The following CPNE7 variants were observed in gnomAD, a reference collection of about 807,000 sequenced individuals.
CPNE7 encodes the protein copine 7, also known as copine-7.
A neutral mutation model predicts 66.5 loss-of-function variants in CPNE7; 78 were observed. That is an observed-to-expected ratio of 1.17 (90% confidence interval 0.98 to 1.42). The LOEUF (loss-of-function observed/expected upper bound fraction) is 1.42. Ranked by LOEUF, CPNE7 falls within the 40% of genes most tolerant of loss-of-function variation. The pLI is 0.00. For synonymous variants in CPNE7, 468 were observed against 336.7 expected, an observed-to-expected ratio of 1.39 and a Z score of -4.27; for missense variants, 1,012 against 776.6, an observed-to-expected ratio of 1.30 and a Z score of -3.60.
intron 9 of CPNE7, chr16:89,587,460 C>T (rs113842381): frequency 9.3e-6 from 4 of 428,152 alleles, no homozygotes; most frequent in East Asian, 7.3e-5. Flanking sequence ...TTTGCGCAGG[C>T]GAGGAAACGG....
intron 1 of CPNE7, among the ~76,000 whole-genome samples, chr16:89,577,173 GC>G (rs957793175): frequency 1.3e-5 from 2 of 152,096 alleles, no homozygotes; most frequent in South Asian, 2.1e-4. Flanking sequence ...AGGAGGGAGG[GC>G]CCCCCTGTAC....
intron 10 of CPNE7, among the ~76,000 whole-genome samples, 178 bp from the exon 11 acceptor site, chr16:89,589,719 G>A (rs1021777786): frequency 3.0e-4 from 46 of 152,284 alleles, no homozygotes; most frequent in East Asian, 2.3e-3. Context: ...CTTGCACACA[G>A]GCCTGTGCCT....
At chr16:89,582,553 T>C (rs1023703918) in intron 2 of CPNE7, among the ~76,000 whole-genome samples, 5 of 152,192 alleles carry the variant, frequency 3.3e-5, no homozygotes, top group East Asian at 1.9e-4. Context: ...TCAGGGAATC[T>C]TGGGGGGCCT....
chr16:89,594,713 G>A (rs111393065), intron 13 of CPNE7, among the ~76,000 whole-genome samples: 27 of 135,970 alleles, frequency 2.0e-4, no homozygotes, highest in Admixed American at 1.6e-3. Context: ...GTGCAATGGC[G>A]CGATCTCAGC....
At chr16:89,593,151 G>A (rs865917868) in intron 13 of CPNE7, among the ~76,000 whole-genome samples, 6 of 151,852 alleles carry the variant, frequency 4.0e-5, no homozygotes, top group Admixed American at 1.3e-4. Context: ...TCAGAGGCAC[G>A]AGGTACATTC....
rs201422940 is a variant in CPNE7 at position 89,577,499 on chromosome 16, A to C, written c.175-40A>C. On this transcript the variant is annotated intron_variant, in intron 1 of 14. Coordinates refer to ENST00000319518, the MANE Select transcript of CPNE7 (RefSeq NM_153636.3). ...GATGGAGGTCTGGAGCCCGGGGTGG[A>C]AGCCTCTGGAGTGGGGTCGGCTCAC... 3.2e-4 allele frequency: 500 copies of C among 1,544,600 alleles called. 2 individuals carry two copies. The Middle Eastern group carries it at 3.6e-3, about 11-fold the overall frequency.
intron 2 of CPNE7, 76 bp downstream of exon 2, chr16:89,577,797 G>C: frequency 1.4e-6 from 2 of 1,464,930 alleles, no homozygotes; most frequent in Non-Finnish European, 1.8e-6. Context: ...TGATGTACCA[G>C]CACCGCAGGG....
At chr16:89,588,840 T>A in intron 10 of CPNE7, 32 bp downstream of exon 10, 1 of 1,607,510 alleles carries the variant, frequency 6.2e-7, no homozygotes, top group Non-Finnish European at 8.5e-7. Flanking sequence ...CACCCCCTGG[T>A]CTCCAGGTCA....
intron 2 of CPNE7, chr16:89,579,087 G>A (rs1555621977): frequency 1.8e-5 from 16 of 898,614 alleles, no homozygotes; most frequent in South Asian, 1.1e-4. Flanking sequence ...TCAGGAGTTC[G>A]AGACCAGCCT....
chr16:89,590,775 TGGGGGCCGGGG>T (rs2059154250), intron 11 of CPNE7, among the ~76,000 whole-genome samples: 1 of 50,152 alleles, frequency 2.0e-5, no homozygotes, highest in Non-Finnish European at 3.8e-5. Flanking sequence ...CTGGGGGACA[TGGGGGCCGGGG>T]ACGGGGGGAG....
chr16:89,579,593 G>C (rs1306687283), intron 2 of CPNE7, among the ~76,000 whole-genome samples: 1 of 149,082 alleles, frequency 6.7e-6, no homozygotes, highest in Non-Finnish European at 1.5e-5. Context: ...CCGTCACACA[G>C]AACATCCCTT....
chr16:89,587,469 G>A (rs1180466331), intron 9 of CPNE7: 7 of 434,414 alleles, frequency 1.6e-5, no homozygotes, highest in African/African-American at 4.2e-5. Flanking sequence ...GCGAGGAAAC[G>A]GGCTTGGGGT....
At chr16:89,588,904 C>T (rs906593951) in intron 10 of CPNE7, 96 bp downstream of exon 10, 2 of 1,494,584 alleles carry the variant, frequency 1.3e-6, no homozygotes, top group Non-Finnish European at 1.8e-6. Flanking sequence ...GTCTCCAGGT[C>T]AGCTATGACA....
chr16:89,596,607 G>C lies in CPNE7; in HGVS notation c.1663G>C (p.Gly555Arg). 2 of 1,603,572 alleles carry C rather than the reference G, an allele frequency of 1.2e-6. No individual in the cohort carries two copies. Among genetic ancestry groups the C allele is most frequent in the Non-Finnish European group, 1.7e-6 (2 of 1,178,358 alleles). ...TGTCCCTGCCGGAGAGGCCAGCCCA[G>C]GCTGCACACCGTGAAGATGTGGAGG... ...LGVPAGEASP[G>R]CTP Residue 555 changes from glycine to arginine, a missense_variant, in exon 15 of 15, where the codon GGC becomes CGC. Gly to Arg is a moderately radical substitution (Grantham distance 125, BLOSUM62 -2). Transcript: ENST00000319518.
intron 13 of CPNE7, among the ~76,000 whole-genome samples, chr16:89,592,110 G>A (rs141796858): frequency 0.11 from 15,836 of 148,380 alleles, 1,018 homozygotes; most frequent in South Asian, 0.2. Context: ...CCAGGTTCGC[G>A]CCATTCTCCT....
intron 7 of CPNE7, among the ~76,000 whole-genome samples, chr16:89,586,078 G>C (rs1209728172): frequency 6.6e-6 from 1 of 150,600 alleles, no homozygotes; most frequent in Non-Finnish European, 1.5e-5. Flanking sequence ...CCTCTGGGGA[G>C]GGGCAGGTGA....
chr16:89,585,425 C>A (rs953413958), intron 5 of CPNE7, 39 bp from the exon 6 acceptor site: 1 of 1,452,614 alleles, frequency 6.9e-7, no homozygotes, highest in Admixed American at 1.7e-5. Flanking sequence ...GATCCCAGGG[C>A]CCTGGGCCTC....
intron 13 of CPNE7, among the ~76,000 whole-genome samples, chr16:89,595,129 G>A (rs79719924): frequency 0.026 from 4,029 of 152,196 alleles, 72 homozygotes; most frequent in Middle Eastern, 0.068. Flanking sequence ...ACAGCCCTCC[G>A]TGAGACTCGT....
At chr16:89,588,632 G>A (rs767165481) in intron 9 of CPNE7, 43 bp from the exon 10 acceptor site, 3 of 1,610,164 alleles carry the variant, frequency 1.9e-6, no homozygotes, top group Non-Finnish European at 2.5e-6. Context: ...CGGGTTCGGG[G>A]AGCCCCGGCC....
Sources: allele counts gnomAD v4.1 joint callset (sites outside exome capture counted in the v4.1 genomes callset), GRCh38; gene constraint gnomAD v4.1.1; transcripts MANE v1.5; gene names NCBI Gene and HGNC (gene_info 2026-07-23, HGNC 2026-07-21).